The following DACH2 variants were observed in gnomAD, a reference collection of about 807,000 sequenced individuals.
DACH2 encodes dachshund family transcription factor 2, also known as dachshund homolog 2.
Under a neutral mutation model 35.8 loss-of-function variants are expected in DACH2, and 17 were observed. That is an observed-to-expected ratio of 0.48 (90% CI 0.33 to 0.71). DACH2 has a LOEUF of 0.71. Ranked by LOEUF, DACH2 falls within the 30% of genes least tolerant of loss-of-function variation. The pLI, the probability that DACH2 is intolerant of heterozygous loss-of-function variation, is 0.02. For missense variants in DACH2, 469 were observed against 472.7 expected (o/e 0.99, Z 0.07); for synonymous variants, 195 against 177.3 (o/e 1.10, Z -0.79).
intron 2 of DACH2, among the ~76,000 whole-genome samples, chrX:86,434,381 G>T (rs1477384900): frequency 1.8e-5 from 2 of 111,426 alleles, no homozygotes; most frequent in African/African-American, 6.5e-5. Context: ...TTTTTAAAAT[G>T]TAAGCTAATT....
intron 1 of DACH2, among the ~76,000 whole-genome samples, chrX:86,254,807 T>TATATATATATATATATATATATAGAG (rs1380613474): frequency 6.0e-5 from 3 of 49,650 alleles, no homozygotes; most frequent in African/African-American, 3.5e-4. Flanking sequence ...TATATATATA[T>TATATATATATATATATATATATAGAG]AGAGAGAGAG....
chrX:86,169,081 G>A (rs2031041235), intron 1 of DACH2, among the ~76,000 whole-genome samples: 1 of 111,225 alleles, frequency 9.0e-6, no homozygotes, highest in Admixed American at 9.6e-5. Context: ...TTATAAGATA[G>A]GTCTGATGTT....
At chrX:86,220,700 T>G (rs751004402) in intron 1 of DACH2, among the ~76,000 whole-genome samples, 1 of 112,357 alleles carries the variant, frequency 8.9e-6, no homozygotes, top group South Asian at 3.7e-4. Flanking sequence ...AGATATATTT[T>G]CAAGATGCTG....
chrX:86,809,913 A>G (rs35088047), intron 7 of DACH2, among the ~76,000 whole-genome samples: 36,107 of 109,667 alleles, frequency 0.33, 4,805 homozygotes, highest in Middle Eastern at 0.42. Context: ...GTCTCTCTTG[A>G]GCCACATTAT....
intron 2 of DACH2, among the ~76,000 whole-genome samples, chrX:86,379,495 G>GA (rs762164696): frequency 1.4e-4 from 14 of 101,094 alleles, no homozygotes; most frequent in South Asian, 4.3e-4. Flanking sequence ...ATCTCTCTAG[G>GA]AAAAAAAAAA....
intron 2 of DACH2, among the ~76,000 whole-genome samples, chrX:86,455,949 C>T (rs781138938): frequency 6.0e-4 from 67 of 112,098 alleles, no homozygotes; most frequent in Non-Finnish European, 7.0e-4. Context: ...CTTTTTGTGT[C>T]AGACCCAAGG....
At chrX:86,684,744 G>C (rs2040922392) in intron 4 of DACH2, among the ~76,000 whole-genome samples, 1 of 109,879 alleles carries the variant, frequency 9.1e-6, no homozygotes, top group South Asian at 3.8e-4. Context: ...GATTGATTAT[G>C]AAAAAAACTG....
intron 3 of DACH2, among the ~76,000 whole-genome samples, chrX:86,546,585 G>T (rs2038978016): frequency 1.0e-5 from 1 of 99,216 alleles, no homozygotes; most frequent in Non-Finnish European, 2.0e-5. Context: ...TGCAATCTCG[G>T]CTCACTGCAA....
At chrX:86,186,138 T>C (rs1243042674) in intron 1 of DACH2, among the ~76,000 whole-genome samples, 2 of 112,765 alleles carry the variant, frequency 1.8e-5, no homozygotes, top group Non-Finnish European at 3.8e-5. Flanking sequence ...CTAACCAAAC[T>C]AATATGTTTA....
intron 3 of DACH2, among the ~76,000 whole-genome samples, chrX:86,611,375 G>A (rs776122853): frequency 1.0e-4 from 11 of 109,890 alleles, no homozygotes; most frequent in South Asian, 4.1e-4. Context: ...TGCCACCTGG[G>A]GTTGGGAGAG....
At chrX:86,661,031 T>A (rs2040599730) in intron 4 of DACH2, among the ~76,000 whole-genome samples, 1 of 111,433 alleles carries the variant, frequency 9.0e-6, no homozygotes, top group Non-Finnish European at 1.9e-5. Flanking sequence ...ATGGATATGA[T>A]CAGTATATAC....
chrX:86,238,375 G>T (rs1463810909), intron 1 of DACH2, among the ~76,000 whole-genome samples: 3 of 111,729 alleles, frequency 2.7e-5, no homozygotes, highest in Non-Finnish European at 3.8e-5. Flanking sequence ...TTATTGGAAG[G>T]CCTTCAAATA....
At chrX:86,535,682 CA>C (rs1307645509) in intron 3 of DACH2, among the ~76,000 whole-genome samples, 1 of 109,717 alleles carries the variant, frequency 9.1e-6, no homozygotes, top group African/African-American at 3.3e-5. Context: ...CAGCCTGTGG[CA>C]AGAGAGAGAC....
intron 5 of DACH2, among the ~76,000 whole-genome samples, chrX:86,704,979 A>G (rs889436964): frequency 4.9e-5 from 5 of 102,533 alleles, no homozygotes; most frequent in Non-Finnish European, 7.7e-5. Flanking sequence ...TTGCAAAAAT[A>G]TGGAACCAGC....
intron 3 of DACH2, among the ~76,000 whole-genome samples, chrX:86,556,236 A>G (rs1257105223): frequency 9.0e-6 from 1 of 111,170 alleles, no homozygotes; most frequent in Non-Finnish European, 1.9e-5. Flanking sequence ...AATGGTGGGG[A>G]GGGCCTAACT....
intron 2 of DACH2, among the ~76,000 whole-genome samples, chrX:86,406,143 T>A (rs187708477): frequency 3.2e-4 from 36 of 111,684 alleles, no homozygotes; most frequent in African/African-American, 1.1e-3. Flanking sequence ...TTAATCTACA[T>A]GCCTATCAGT....
intron 1 of DACH2, among the ~76,000 whole-genome samples, chrX:86,174,119 GTT>G (rs140747201): frequency 0.26 from 18,726 of 71,205 alleles, 2,262 homozygotes; most frequent in Middle Eastern, 0.37. Context: ...GAGTACAGTT[GTT>G]TTTTTTTTTT....
intron 1 of DACH2, among the ~76,000 whole-genome samples, chrX:86,151,689 G>T (rs1444145246): frequency 9.0e-6 from 1 of 111,347 alleles, no homozygotes; most frequent in Non-Finnish European, 1.9e-5. Context: ...ATGATGTTAG[G>T]TAAGATTATT....
chrX:86,218,862 C>A (rs185681997), intron 1 of DACH2, among the ~76,000 whole-genome samples: 2 of 111,541 alleles, frequency 1.8e-5, no homozygotes, highest in East Asian at 5.6e-4. Context: ...CTCCACCAAT[C>A]CTGAATCCTT....
Sources: gnomAD v4.1 joint callset for allele counts (sites outside exome capture counted in the v4.1 genomes callset) on GRCh38, gnomAD v4.1.1 for gene constraint, MANE v1.5 for transcripts, NCBI Gene and HGNC (gene_info 2026-07-23, HGNC 2026-07-21) for gene names.